ATP10A: variants seen among roughly 807,000 people sequenced by gnomAD.
The protein encoded by ATP10A is ATPase phospholipid transporting 10A (putative).
A neutral mutation model predicts 147.8 loss-of-function variants in ATP10A; 111 were observed. The ratio of observed to expected loss-of-function variants is 0.75; its 90% CI spans 0.64 to 0.88. ATP10A has a LOEUF of 0.88. Among genes scored for constraint, ATP10A ranks in the 40% least tolerant of loss-of-function variants. The pLI, the probability that ATP10A is intolerant of heterozygous loss-of-function variation, is 0.00. For synonymous variants in ATP10A, 875 were observed against 841.6 expected, an observed-to-expected ratio of 1.04 and a Z score of -0.69; for missense variants, 1,927 against 1,959.0, an observed-to-expected ratio of 0.98 and a Z score of 0.31.
intron 2 of ATP10A, among the ~76,000 whole-genome samples, chr15:25,771,447 G>A (rs1463137105): frequency 1.3e-5 from 2 of 152,106 alleles, no homozygotes; most frequent in Admixed American, 6.6e-5. Context: ...TGCGATCTAA[G>A]TCTAGCTTCT....
chr15:25,827,448 T>C (rs1892164047), intron 1 of ATP10A, among the ~76,000 whole-genome samples: 1 of 152,210 alleles, frequency 6.6e-6, no homozygotes, highest in Non-Finnish European at 1.5e-5. Context: ...AAATCTATGT[T>C]GATGGGCATA....
intron 1 of ATP10A, among the ~76,000 whole-genome samples, chr15:25,841,093 C>G (rs1198528017): frequency 1.3e-5 from 2 of 152,134 alleles, no homozygotes; most frequent in East Asian, 3.9e-4. Context: ...TGGAATTTCT[C>G]TGCTCTTTTT....
At chr15:25,741,659 G>A (rs1158689621) in intron 2 of ATP10A, among the ~76,000 whole-genome samples, 2 of 152,120 alleles carry the variant, frequency 1.3e-5, no homozygotes, top group African/African-American at 4.8e-5. Context: ...GGTCAGTGCT[G>A]TGGAAATTCA....
chr15:25,823,732 G>A (rs965357030), intron 1 of ATP10A, among the ~76,000 whole-genome samples: 1 of 152,124 alleles, frequency 6.6e-6, no homozygotes, highest in African/African-American at 2.4e-5. Flanking sequence ...CAACCAAAAT[G>A]TTCTCATAAA....
chr15:25,787,297 G>C (rs1325962445), intron 1 of ATP10A, among the ~76,000 whole-genome samples: 1 of 152,152 alleles, frequency 6.6e-6, no homozygotes, highest in Non-Finnish European at 1.5e-5. Context: ...AATGTGGTCT[G>C]AGATAAAATA....
chr15:25,745,761 G>GT lies in ATP10A; in HGVS notation c.655-9621dup, dbSNP rs1484793809. On this transcript the variant is annotated intron_variant, in intron 2 of 20. Transcript: ENST00000555815. ...GTAAGTTGGAAGAGAATAAAAAGAT[G>GT]TTTTTTGCTTAAAAAGGGCCCTTGA... Among the ~76,000 whole-genome samples the GT allele has an allele frequency of 3.3e-5, 5 of 152,112 alleles. No individual in the cohort carries two copies. In the East Asian group the frequency reaches 7.7e-4, roughly 23 times the overall value.
chr15:25,722,538 G>A (rs1902307863), intron 6 of ATP10A, among the ~76,000 whole-genome samples: 1 of 152,208 alleles, frequency 6.6e-6, no homozygotes, highest in Non-Finnish European at 1.5e-5. Flanking sequence ...TTTTTGTAGA[G>A]TAACAGTATT....
intron 1 of ATP10A, among the ~76,000 whole-genome samples, chr15:25,824,786 C>T (rs144915737): frequency 2.0e-5 from 3 of 152,296 alleles, no homozygotes; most frequent in African/African-American, 7.2e-5. Context: ...GGCTGAAACT[C>T]AGTAAGAACA....
chr15:25,707,843 C>T (rs1284465645), intron 12 of ATP10A, 133 bp downstream of exon 12: 2 of 1,287,922 alleles, frequency 1.6e-6, no homozygotes, highest in Non-Finnish European at 2.1e-6. Context: ...CTCGGCTGTG[C>T]CAGCGTCCTG....
At chr15:25,802,620 C>A (rs562086180) in intron 1 of ATP10A, among the ~76,000 whole-genome samples, 2 of 152,330 alleles carry the variant, frequency 1.3e-5, no homozygotes, top group East Asian at 3.9e-4. Flanking sequence ...TGCTTCCCTG[C>A]CTCTCCTGGT....
At chr15:25,804,162 G>C (rs1891066490) in intron 1 of ATP10A, among the ~76,000 whole-genome samples, 1 of 149,336 alleles carries the variant, frequency 6.7e-6, no homozygotes, top group Non-Finnish European at 1.5e-5. Context: ...TGTGATGTGA[G>C]GTGTTTGTGA....
intron 12 of ATP10A, among the ~76,000 whole-genome samples, chr15:25,707,008 T>C (rs1267353731): frequency 2.0e-5 from 3 of 152,172 alleles, no homozygotes; most frequent in African/African-American, 4.8e-5. Flanking sequence ...TCCATTTAAT[T>C]CACATCCAGG....
chr15:25,831,670 C>T (rs1374671161), intron 1 of ATP10A, among the ~76,000 whole-genome samples: 1 of 152,154 alleles, frequency 6.6e-6, no homozygotes, highest in African/African-American at 2.4e-5. Flanking sequence ...GGAACCTGCA[C>T]CTATAGAGGC....
At chr15:25,837,119 T>C (rs917176662) in intron 1 of ATP10A, among the ~76,000 whole-genome samples, 46 of 152,190 alleles carry the variant, frequency 3.0e-4, no homozygotes, top group Admixed American at 5.2e-4. Context: ...TCTACTCTTT[T>C]AGCCAATTTC....
At chr15:25,778,279 CCTGT>C (rs1228828845) in intron 2 of ATP10A, among the ~76,000 whole-genome samples, 1 of 152,148 alleles carries the variant, frequency 6.6e-6, no homozygotes, top group East Asian at 1.9e-4. Flanking sequence ...CAGTTCTTAA[CCTGT>C]CTGAGACAAG....
chr15:25,727,851 T>A (rs536369965), intron 3 of ATP10A, among the ~76,000 whole-genome samples: 2 of 152,348 alleles, frequency 1.3e-5, no homozygotes, highest in East Asian at 3.9e-4. Flanking sequence ...AGGGATAGTC[T>A]AAGCTTAAGC....
At chr15:25,770,731 A>G (rs1889290206) in intron 2 of ATP10A, among the ~76,000 whole-genome samples, 1 of 152,146 alleles carries the variant, frequency 6.6e-6, no homozygotes, top group South Asian at 2.1e-4. Flanking sequence ...AGGGACAGGC[A>G]AGAGGCCTAC....
At chr15:25,823,662 A>G (rs1033726462) in intron 1 of ATP10A, among the ~76,000 whole-genome samples, 4 of 152,246 alleles carry the variant, frequency 2.6e-5, no homozygotes, top group Admixed American at 2.0e-4. Flanking sequence ...TAACTCAACT[A>G]TTGTTGATCT....
At chr15:25,673,653 C>T (rs904859953), downstream of ATP10A, among the ~76,000 whole-genome samples, 2 of 152,208 alleles carry the variant, frequency 1.3e-5, no homozygotes, top group African/African-American at 4.8e-5. Flanking sequence ...GTCACTGTCA[C>T]CCAGAGAAGG....
Sources: allele counts gnomAD v4.1 joint callset (sites outside exome capture counted in the v4.1 genomes callset), GRCh38; gene constraint gnomAD v4.1.1; transcripts MANE v1.5; gene names NCBI Gene and HGNC (gene_info 2026-07-23, HGNC 2026-07-21).